The following ROBO1 variants were observed in gnomAD, a reference collection of about 807,000 sequenced individuals.
ROBO1 encodes roundabout homolog 1.
A neutral mutation model predicts 195.9 loss-of-function variants in ROBO1; 149 were observed. The ratio of observed to expected loss-of-function variants is 0.76; its 90% confidence interval spans 0.67 to 0.87. The LOEUF (loss-of-function observed/expected upper bound fraction) is 0.87, where lower values mean the gene tolerates loss of function less well. Ranked by LOEUF, ROBO1 falls within the 40% of genes least tolerant of loss-of-function variation. ROBO1 has a pLI of 0.00. For missense variants in ROBO1, 1,933 were observed against 2,068.3 expected, an observed-to-expected ratio of 0.93 and a Z score of 1.27; for synonymous variants, 816 against 733.2, an observed-to-expected ratio of 1.11 and a Z score of -1.82.
intron 1 of ROBO1, among the ~76,000 whole-genome samples, chr3:79,766,361 C>G (rs141175633): frequency 6.6e-6 from 1 of 151,618 alleles, no homozygotes. Context: ...GGGGTGCACA[C>G]TAAGGATATT....
intron 2 of ROBO1, among the ~76,000 whole-genome samples, chr3:79,395,836 T>A (rs1451407907): frequency 1.3e-5 from 2 of 152,024 alleles, no homozygotes; most frequent in Non-Finnish European, 2.9e-5. Context: ...CCTCTCTCAA[T>A]GGATACACAG....
intron 3 of ROBO1, among the ~76,000 whole-genome samples, chr3:78,947,738 G>GT (rs1215162764): frequency 6.6e-6 from 1 of 152,050 alleles, no homozygotes; most frequent in Non-Finnish European, 1.5e-5. Context: ...CCAGGAGCTG[G>GT]TTTTTTGAAA....
At chr3:79,334,351 T>C (rs1465083272) in intron 2 of ROBO1, among the ~76,000 whole-genome samples, 13 of 146,888 alleles carry the variant, frequency 8.9e-5, no homozygotes, top group Non-Finnish European at 1.3e-4. Flanking sequence ...TATGTATATA[T>C]GTATATATAT....
chr3:79,745,716 T>G (rs1043264366), intron 1 of ROBO1, among the ~76,000 whole-genome samples: 1 of 152,166 alleles, frequency 6.6e-6, no homozygotes, highest in Admixed American at 6.5e-5. Context: ...CTTTTCATTT[T>G]TGGAAAATAC....
chr3:78,985,406 G>A (rs1001968262), intron 3 of ROBO1, among the ~76,000 whole-genome samples: 26 of 151,970 alleles, frequency 1.7e-4, no homozygotes, highest in Non-Finnish European at 2.9e-5. Flanking sequence ...TTATGTTATT[G>A]GTAAGGCTTC....
chr3:78,813,004 A>G (rs557531797), intron 4 of ROBO1, among the ~76,000 whole-genome samples: 1 of 152,246 alleles, frequency 6.6e-6, no homozygotes, highest in South Asian at 2.1e-4. Context: ...AAAAATTTAC[A>G]GAAGAGTTTC....
chr3:79,307,180 T>A (rs935347077), intron 2 of ROBO1, among the ~76,000 whole-genome samples: 1 of 152,142 alleles, frequency 6.6e-6, no homozygotes, highest in Non-Finnish European at 1.5e-5. Flanking sequence ...GATCAGCCAG[T>A]GTTATCTGAG....
At position 79,089,940 on chromosome 3, in the gene ROBO1, T is replaced by TC. The variant is rs1559650946; in HGVS notation, c.172+35515_172+35516insG. On this transcript the variant is annotated intron_variant, in intron 3 of 30. Transcript: ENST00000464233. ...ATATATATCATCCAGTTATTCTTTC[T>TC]TTTTTTTTTTTTTTTTTAAGACGGA... is the stretch of plus-strand genomic sequence containing the variant. Among the ~76,000 whole-genome samples the TC allele has an allele frequency of 1.8e-3, 5 of 2,842 alleles. 1 individual carries two copies. Among genetic ancestry groups the TC allele is most frequent in the Non-Finnish European group, 3.9e-3 (5 of 1,276 alleles). The allele number at this position is 2,842 out of a possible 152,430, so 1.9% of individuals were successfully genotyped here. A position where few individuals can be genotyped will look rare whatever the true frequency, so the allele number is the denominator to read the frequency against.
intron 2 of ROBO1, among the ~76,000 whole-genome samples, chr3:79,502,725 G>T: frequency 6.1e-5 from 1 of 16,352 alleles, no homozygotes; most frequent in African/African-American, 9.6e-4. Flanking sequence ...GTCTAGCTAA[G>T]GGATTGTAAA....
intron 1 of ROBO1, among the ~76,000 whole-genome samples, chr3:79,647,086 A>G (rs1052897831): frequency 2.6e-5 from 4 of 152,138 alleles, no homozygotes; most frequent in Non-Finnish European, 4.4e-5. Flanking sequence ...TAACAAAAAG[A>G]AAAATATTTA....
intron 4 of ROBO1, among the ~76,000 whole-genome samples, chr3:78,808,906 C>T (rs1453839951): frequency 5.3e-5 from 8 of 151,960 alleles, no homozygotes; most frequent in Admixed American, 1.3e-4. Context: ...AGAAGAAAAC[C>T]GAGGCAATAC....
At chr3:79,060,948 G>T (rs1327480781) in intron 3 of ROBO1, among the ~76,000 whole-genome samples, 1 of 152,142 alleles carries the variant, frequency 6.6e-6, no homozygotes, top group East Asian at 1.9e-4. Context: ...ACAAGGCAAG[G>T]ATGCCCTCTC....
intron 2 of ROBO1, among the ~76,000 whole-genome samples, chr3:79,500,234 A>C (rs1478416571): frequency 7.0e-6 from 1 of 142,976 alleles, no homozygotes; most frequent in South Asian, 2.2e-4. Flanking sequence ...GGTTCAAGCG[A>C]TTCTCCTGTC....
At position 78,661,046 on chromosome 3, in the gene ROBO1, G is replaced by A; in HGVS notation, c.2304C>T (p.Ala768=). ...CATACTTGCCTTCTTCCAGGGTTTT[G>A]GCAAACTTGATTTCACTATCTGCTC... ...FQGADSEIKF[A]KTLEEAPSAP... is the part of the protein sequence containing the mutation. Residue 768 remains alanine (A), a synonymous_variant, in exon 16 of 31, where the codon GCC becomes GCT. Transcript: ENST00000464233. 6.2e-7 allele frequency: 1 copy of A among 1,611,924 alleles called. No homozygotes were observed. The highest frequency in any genetic ancestry group is 2.2e-5 in the East Asian group (1 of 44,838).
At chr3:79,531,681 A>G (rs1307757773) in intron 2 of ROBO1, among the ~76,000 whole-genome samples, 2 of 152,218 alleles carry the variant, frequency 1.3e-5, no homozygotes, top group Admixed American at 6.5e-5. Flanking sequence ...ACTCTGTTTC[A>G]CGTTTTTCAC....
intron 1 of ROBO1, among the ~76,000 whole-genome samples, chr3:79,591,290 T>C (rs1261622952): frequency 1.3e-5 from 2 of 151,890 alleles, no homozygotes; most frequent in African/African-American, 2.4e-5. Flanking sequence ...TAACTGGACA[T>C]AGCTATTTTG....
At chr3:78,960,071 G>A (rs2041258030) in intron 3 of ROBO1, among the ~76,000 whole-genome samples, 1 of 152,008 alleles carries the variant, frequency 6.6e-6, no homozygotes, top group Non-Finnish European at 1.5e-5. Flanking sequence ...AGGCTGAGGT[G>A]GGAGGATTAC....
intron 9 of ROBO1, among the ~76,000 whole-genome samples, chr3:78,687,282 C>T (rs1204824072): frequency 6.6e-6 from 1 of 152,112 alleles, no homozygotes; most frequent in Non-Finnish European, 1.5e-5. Context: ...ATATTTCATT[C>T]TTTCTTGTCT....
chr3:78,687,723 CA>C (rs2081082333), intron 9 of ROBO1, among the ~76,000 whole-genome samples: 1 of 152,172 alleles, frequency 6.6e-6, no homozygotes, highest in Non-Finnish European at 1.5e-5. Flanking sequence ...CTCGTGGGCT[CA>C]AGTGATCCTC....
Sources: gnomAD v4.1 joint callset for allele counts (sites outside exome capture counted in the v4.1 genomes callset) on GRCh38, gnomAD v4.1.1 for gene constraint, MANE v1.5 for transcripts, NCBI Gene and HGNC (gene_info 2026-07-23, HGNC 2026-07-21) for gene names.